RB1: variants seen among roughly 807,000 people sequenced by gnomAD.
The protein encoded by RB1 is retinoblastoma-associated protein.
In RB1, 18 loss-of-function variants were observed where a neutral mutation model predicts 135.4. The observed-to-expected ratio is 0.13, with a 90% confidence interval of 0.09 to 0.20. The LOEUF (loss-of-function observed/expected upper bound fraction) is 0.20, where lower values mean the gene tolerates loss of function less well. RB1 is among the 10% of genes least tolerant of loss of function. RB1 has a pLI of 1.00. For synonymous variants in RB1, 365 were observed against 373.2 expected, an observed-to-expected ratio of 0.98 and a Z score of 0.25; for missense variants, 868 against 1,110.0, an observed-to-expected ratio of 0.78 and a Z score of 3.10.
intron 2 of RB1, chr13:48,318,656 C>T: frequency 1.6e-6 from 1 of 610,840 alleles, no homozygotes; most frequent in Non-Finnish European, 3.0e-6. Flanking sequence ...CCACCTCCCG[C>T]GTTTTCTTGG....
At chr13:48,381,792 C>G (rs531547279) in intron 17 of RB1, among the ~76,000 whole-genome samples, 2 of 152,094 alleles carry the variant, frequency 1.3e-5, no homozygotes, top group Non-Finnish European at 1.5e-5. Flanking sequence ...GTGTGCTGCA[C>G]CCATTAACTT....
rs1489247854 is a variant in RB1 at position 48,303,773 on chromosome 13, C to T, written c.-140C>T. The T allele has an allele frequency of 2.3e-6, 3 of 1,297,252 alleles. No individual in the cohort carries two copies. Among genetic ancestry groups the T allele is most frequent in the Non-Finnish European group, 2.0e-6 (2 of 975,800 alleles). 80.4% of individuals were successfully genotyped at this position (1,297,252 alleles called of 1,614,324 possible). A position where few individuals can be genotyped will look rare whatever the true frequency, so the allele number is the denominator to read the frequency against. Reference sequence around the variant, plus strand: ...CTCAGTTGCCGGGCGGGGGAGGGCGCGTCCGGTTTTTCTCAGGGGACGTTG... The same window carrying T: ...CTCAGTTGCCGGGCGGGGGAGGGCGTGTCCGGTTTTTCTCAGGGGACGTTG... On this transcript the variant is annotated 5_prime_UTR_variant, in exon 1 of 27. Coordinates refer to ENST00000267163, the MANE Select transcript of RB1 (RefSeq NM_000321.3).
rs768316228 is a variant in RB1, at chr13:48,463,717, A to G, written c.2107-14A>G. ...ATAAAATTCTGACTACTTTTACATC[A>G]ATTTATTTACTAGATTATGATGTGT... On this transcript the variant is annotated splice_polypyrimidine_tract_variant and intron_variant, in intron 20 of 26. Transcript: ENST00000267163. 7 of 1,401,578 alleles carry G rather than the reference A, an allele frequency of 5.0e-6. No homozygotes were observed. The South Asian group carries it at 8.1e-5, about 16-fold the overall frequency. 86.8% of individuals were successfully genotyped at this position (1,401,578 alleles called of 1,614,324 possible).
chr13:48,317,379 C>A (rs139800791), intron 2 of RB1: 158 of 378,534 alleles, frequency 4.2e-4, no homozygotes, highest in African/African-American at 3.2e-3. Flanking sequence ...TTTCCGAGCG[C>A]AGCGCGCACG....
At chr13:48,389,940 A>G (rs1948598845) in intron 17 of RB1, 1 of 152,274 alleles carries the variant, frequency 6.6e-6, no homozygotes, top group Non-Finnish European at 1.5e-5. Context: ...GGATTGCTTG[A>G]GCCCGAGTTC....
chr13:48,423,215 G>T (rs1445390516), intron 17 of RB1, among the ~76,000 whole-genome samples: 1 of 152,144 alleles, frequency 6.6e-6, no homozygotes, highest in South Asian at 2.1e-4. Context: ...AATGACATCT[G>T]ATTCTGATTC....
intron 24 of RB1, among the ~76,000 whole-genome samples, 157 bp downstream of exon 24, chr13:48,473,547 T>C (rs901345215): frequency 6.6e-6 from 1 of 152,180 alleles, no homozygotes; most frequent in Non-Finnish European, 1.5e-5. Flanking sequence ...TCAGATTTAC[T>C]TTCAAATCAA....
intron 2 of RB1, among the ~76,000 whole-genome samples, chr13:48,331,735 A>G (rs1302243915): frequency 6.6e-6 from 1 of 152,240 alleles, no homozygotes; most frequent in African/African-American, 2.4e-5. Flanking sequence ...CAGCAATCCT[A>G]CCTTTTGGTA....
chr13:48,377,814 T>C (rs550938774), intron 13 of RB1, among the ~76,000 whole-genome samples: 3 of 152,292 alleles, frequency 2.0e-5, no homozygotes, highest in East Asian at 1.9e-4. Context: ...CTAGATGGTA[T>C]AGCCGATTGT....
At chr13:48,411,867 A>G in intron 17 of RB1, 1 of 1,613,908 alleles carries the variant, frequency 6.2e-7, no homozygotes, top group Non-Finnish European at 8.5e-7. Flanking sequence ...TTCGATGAAA[A>G]TTACAATCCT....
intron 3 of RB1, 26 bp from the exon 4 acceptor site, chr13:48,345,054 A>G (rs1417308343): frequency 5.0e-6 from 8 of 1,600,606 alleles, no homozygotes; most frequent in Admixed American, 1.7e-5. Context: ...TTACTGATTT[A>G]CTTTTTTCTA....
intron 11 of RB1, among the ~76,000 whole-genome samples, chr13:48,369,739 C>T (rs1479063538): frequency 6.6e-6 from 1 of 152,060 alleles, no homozygotes; most frequent in Non-Finnish European, 1.5e-5. Context: ...CATGGATTAC[C>T]AACTGCTACT....
chr13:48,427,006 A>G (rs1949089181), intron 17 of RB1: 2 of 152,876 alleles, frequency 1.3e-5, no homozygotes, highest in African/African-American at 2.4e-5. Flanking sequence ...AGGAGGTCCC[A>G]TGCCCTTTTT....
At chr13:48,314,605 G>A (rs1183109026) in intron 2 of RB1, among the ~76,000 whole-genome samples, 1 of 152,130 alleles carries the variant, frequency 6.6e-6, no homozygotes, top group Non-Finnish European at 1.5e-5. Flanking sequence ...TTTGAGACCA[G>A]CCTGGCCAAC....
At chr13:48,343,187 G>T (rs1163838380) in intron 3 of RB1, among the ~76,000 whole-genome samples, 3 of 152,060 alleles carry the variant, frequency 2.0e-5, no homozygotes, top group African/African-American at 7.2e-5. Flanking sequence ...ACTTGAACCA[G>T]TTAATTACTT....
chr13:48,458,327 G>A (rs1949374794), intron 19 of RB1, among the ~76,000 whole-genome samples: 1 of 152,160 alleles, frequency 6.6e-6, no homozygotes, highest in African/African-American at 2.4e-5. Context: ...TGATTTGAGT[G>A]TCTGTGCATG....
chr13:48,376,786 G>T (rs1952829053), intron 12 of RB1, 132 bp from the exon 13 acceptor site: 2 of 1,356,952 alleles, frequency 1.5e-6, no homozygotes, highest in Admixed American at 1.9e-5. Flanking sequence ...AGTAGTTGTG[G>T]TTACCTAGTT....
At chr13:48,437,906 A>G (rs776388646) in intron 17 of RB1, among the ~76,000 whole-genome samples, 17 of 152,186 alleles carry the variant, frequency 1.1e-4, no homozygotes, top group South Asian at 4.1e-4. Context: ...GCTGGCTGCC[A>G]TAGTTATGAC....
chr13:48,361,756 A>G (rs1952642307), intron 7 of RB1, among the ~76,000 whole-genome samples: 1 of 151,922 alleles, frequency 6.6e-6, no homozygotes, highest in African/African-American at 2.4e-5. Flanking sequence ...TTTCTCTTCC[A>G]TCCTTTCTTT....
Sources: allele counts gnomAD v4.1 joint callset (sites outside exome capture counted in the v4.1 genomes callset), GRCh38; gene constraint gnomAD v4.1.1; transcripts MANE v1.5; gene names NCBI Gene and HGNC (gene_info 2026-07-23, HGNC 2026-07-21).